Variants in KLF13 observed in about 807,000 individuals in gnomAD.
KLF13 encodes the protein KLF transcription factor 13.
KLF13 carries 8 observed loss-of-function variants against 16.7 expected under a neutral mutation model. The ratio of observed to expected loss-of-function variants is 0.48; its 90% CI spans 0.28 to 0.87. The LOEUF (loss-of-function observed/expected upper bound fraction) is 0.87, where lower values mean the gene tolerates loss of function less well. Ranked by LOEUF, KLF13 falls within the 40% of genes least tolerant of loss-of-function variation. KLF13 has a pLI of 0.10. For missense variants in KLF13, 447 were observed against 452.2 expected, an observed-to-expected ratio of 0.99 and a Z score of 0.10; for synonymous variants, 245 against 208.4, an observed-to-expected ratio of 1.18 and a Z score of -1.51.
chr15:31,396,718 A>C (rs545431636), intron 2 of KLF13, among the ~76,000 whole-genome samples: 1 of 152,312 alleles, frequency 6.6e-6, no homozygotes, highest in African/African-American at 2.4e-5. Flanking sequence ...CCCAGAAGCA[A>C]CTTGGGAAAG....
exon 3 of KLF13, chr15:31,404,449 T>G (rs933179848): frequency 3.3e-5 from 5 of 152,292 alleles, no homozygotes; most frequent in South Asian, 2.1e-4. Flanking sequence ...ACCAATCAGC[T>G]CTCTGTGGCT....
intron 1 of KLF13, among the ~76,000 whole-genome samples, chr15:31,347,318 G>T (rs991584361): frequency 4.6e-5 from 7 of 152,196 alleles, no homozygotes; most frequent in African/African-American, 1.4e-4. Flanking sequence ...GGTGCTCGTG[G>T]TGGGGAAGGG....
chr15:31,348,359 G>A lies in KLF13; in HGVS notation c.577+20570G>A, dbSNP rs145307236. 2.0e-5 allele frequency among the ~76,000 whole-genome samples: 3 copies of A among 152,300 alleles called. No homozygotes were observed. In the East Asian group the frequency reaches 5.8e-4, roughly 29 times the overall value. On this transcript the variant is annotated intron_variant, in intron 1 of 1. Coordinates refer to ENST00000307145, the MANE Select transcript of KLF13 (RefSeq NM_015995.4). ...AGTGCCTTCCGAAAGGAAAAACCACGCGTGGTACGTAGGCACACACGCACG... is the reference window on the plus strand; with the variant it reads ...AGTGCCTTCCGAAAGGAAAAACCACACGTGGTACGTAGGCACACACGCACG...
At chr15:31,328,793 G>T (rs976057338) in intron 1 of KLF13, among the ~76,000 whole-genome samples, 1 of 152,142 alleles carries the variant, frequency 6.6e-6, no homozygotes, top group African/African-American at 2.4e-5. Context: ...TTAATGGACG[G>T]CAATCCTTCC....
At chr15:31,352,011 CAAA>C (rs879823590) in intron 1 of KLF13, among the ~76,000 whole-genome samples, 1 of 130,912 alleles carries the variant, frequency 7.6e-6, no homozygotes. Context: ...GACTCCGTGT[CAAA>C]AAAAAAAAAG....
chr15:31,420,695 C>CTTTTT (rs1165661443), intron 1 of KLF13: 3 of 265,024 alleles, frequency 1.1e-5, no homozygotes, highest in Admixed American at 4.8e-5. Flanking sequence ...TTTTTTCTTT[C>CTTTTT]TTTTTTTTTT....
intron 1 of KLF13, among the ~76,000 whole-genome samples, chr15:31,358,929 G>T (rs2039341286): frequency 6.6e-6 from 1 of 152,332 alleles, no homozygotes; most frequent in South Asian, 2.1e-4. Flanking sequence ...AAAGGCGGGG[G>T]CAGTGGGGTC....
chr15:31,364,743 C>T (rs192403785), intron 1 of KLF13, among the ~76,000 whole-genome samples: 87 of 152,376 alleles, frequency 5.7e-4, no homozygotes, highest in Non-Finnish European at 1.0e-4. Flanking sequence ...CTCACTCTCT[C>T]CTCCTGGGCC....
downstream of KLF13, among the ~76,000 whole-genome samples, chr15:31,381,815 C>T (rs1169995323): frequency 1.3e-5 from 2 of 152,228 alleles, no homozygotes; most frequent in African/African-American, 4.8e-5. Flanking sequence ...ATAATTGTCA[C>T]TTCACTACAG....
chr15:31,406,770 C>G (rs961090124), downstream of KLF13, among the ~76,000 whole-genome samples: 2 of 152,094 alleles, frequency 1.3e-5, no homozygotes, highest in African/African-American at 4.8e-5. Flanking sequence ...GTTTGTAGAC[C>G]TATATATTTT....
At chr15:31,413,187 C>CAAAAAAAAAAAAAAAAAA (rs1161762538) in intron 1 of KLF13, among the ~76,000 whole-genome samples, 20 of 63,308 alleles carry the variant, frequency 3.2e-4, no homozygotes, top group Non-Finnish European at 4.4e-4. Flanking sequence ...AATGAATAGA[C>CAAAAAAAAAAAAAAAAAA]AAAAAAAAAA....
At position 31,327,525 on chromosome 15, in the gene KLF13, C is replaced by T; in HGVS notation, c.313C>T (p.Pro105Ser). The T allele has an allele frequency of 8.9e-7, 1 of 1,118,476 alleles. No individual in the cohort carries two copies. The highest frequency in any genetic ancestry group is 1.1e-6 in the Non-Finnish European group (1 of 916,136). The allele number at this position is 1,118,476 out of a possible 1,614,324, so 69.3% of individuals were successfully genotyped here. A position where few individuals can be genotyped will look rare whatever the true frequency, so the allele number is the denominator to read the frequency against. ...CCGCCTGCCGCCGCCCGCCCCCGAG[C>T]CCACCTCCCCCGGCGCCGAAGGCGC... is the stretch of plus-strand genomic sequence containing the variant. ...PCRLPPPAPE[P>S]TSPGAEGAAA... Residue 105 changes from proline to serine, a missense_variant, in exon 1 of 2, where the codon CCC becomes TCC. Coordinates refer to ENST00000307145, the MANE Select transcript of KLF13 (RefSeq NM_015995.4).
intron 1 of KLF13, among the ~76,000 whole-genome samples, chr15:31,338,751 G>C (rs186381575): frequency 1.9e-3 from 289 of 152,144 alleles, no homozygotes; most frequent in Middle Eastern, 6.8e-3. Context: ...CTGGGATCCT[G>C]GCCCTGGCCG....
intron 1 of KLF13, among the ~76,000 whole-genome samples, chr15:31,371,095 G>A (rs1023174514): frequency 2.0e-5 from 3 of 152,138 alleles, no homozygotes; most frequent in African/African-American, 7.2e-5. Flanking sequence ...ATACAAGAAG[G>A]GCTCGTTTCT....
chr15:31,402,339 C>T (rs2040049709), intron 2 of KLF13, among the ~76,000 whole-genome samples: 1 of 152,224 alleles, frequency 6.6e-6, no homozygotes, highest in South Asian at 2.1e-4. Flanking sequence ...GGACCCTGCC[C>T]CACAGGGGCA....
rs1566848059 is a variant in KLF13 at position 31,423,100 on chromosome 15, C to CGTATATATACGTATATATAT, written n.118-12265_118-12264insTATACGTATATATATGTATA. ...AATTACATATATATACGTATATATA[C>CGTATATATACGTATATATAT]GTATACGTATACGTATATATACGTA... On this transcript the variant is annotated intron_variant and non_coding_transcript_variant, in intron 1 of 1. Transcript: ENST00000558225. Among the ~76,000 whole-genome samples the CGTATATATACGTATATATAT allele has an allele frequency of 1.1e-3, 63 of 58,694 alleles. 4 individuals are homozygous for CGTATATATACGTATATATAT. The highest frequency in any genetic ancestry group is 1.8e-3 in the South Asian group (3 of 1,702). 38.5% of individuals were successfully genotyped at this position (58,694 alleles called of 152,430 possible). A position where few individuals can be genotyped will look rare whatever the true frequency, so the allele number is the denominator to read the frequency against.
At chr15:31,394,754 T>G (rs1311082313) in intron 2 of KLF13, among the ~76,000 whole-genome samples, 1 of 152,148 alleles carries the variant, frequency 6.6e-6, no homozygotes, top group Non-Finnish European at 1.5e-5. Context: ...CACAGTTAAT[T>G]ATAGAATATT....
At chr15:31,354,753 A>G (rs542548315) in intron 1 of KLF13, among the ~76,000 whole-genome samples, 1 of 152,154 alleles carries the variant, frequency 6.6e-6, no homozygotes. Flanking sequence ...GGACACCCAC[A>G]TTTTCAGCAC....
At chr15:31,338,853 G>A (rs2038977018) in intron 1 of KLF13, among the ~76,000 whole-genome samples, 1 of 152,020 alleles carries the variant, frequency 6.6e-6, no homozygotes, top group South Asian at 2.1e-4. Context: ...TGTACTGTGG[G>A]ATCTGAGCAT....
Sources: gnomAD v4.1 joint callset for allele counts (sites outside exome capture counted in the v4.1 genomes callset) on GRCh38, gnomAD v4.1.1 for gene constraint, MANE v1.5 for transcripts, NCBI Gene and HGNC (gene_info 2026-07-23, HGNC 2026-07-21) for gene names.